KLRD1: variants seen among roughly 807,000 people sequenced by gnomAD.
The protein encoded by KLRD1 is killer cell lectin like receptor D1, also known as natural killer cells antigen CD94.
A neutral mutation model predicts 22.6 loss-of-function variants in KLRD1; 21 were observed. That is an observed-to-expected ratio of 0.93 (90% confidence interval 0.66 to 1.34). The LOEUF (loss-of-function observed/expected upper bound fraction) is 1.34, where lower values mean the gene tolerates loss of function less well. Among genes scored for constraint, KLRD1 ranks in the 40% most tolerant of loss-of-function variants. The probability of loss-of-function intolerance (pLI) is 0.00; values close to 1 mark genes in which losing one functional copy is unlikely to be tolerated. For synonymous variants in KLRD1, 59 were observed against 71.1 expected (o/e 0.83, Z 0.85); for missense variants, 183 against 208.6 (o/e 0.88, Z 0.76).
At chr12:10,247,181 A>G (rs1949300979) in intron 1 of KLRD1, among the ~76,000 whole-genome samples, 1 of 151,698 alleles carries the variant, frequency 6.6e-6, no homozygotes, top group Admixed American at 6.6e-5. Context: ...GGGAATTTCT[A>G]TTTATATCAA....
intron 1 of KLRD1, among the ~76,000 whole-genome samples, chr12:10,276,985 C>T (rs1035142533): frequency 6.6e-6 from 1 of 152,052 alleles, no homozygotes; most frequent in African/African-American, 2.4e-5. Context: ...AGATGACTCA[C>T]CATTAAGTCT....
intron 1 of KLRD1, among the ~76,000 whole-genome samples, chr12:10,251,059 T>A (rs1046063648): frequency 6.6e-6 from 1 of 152,178 alleles, no homozygotes; most frequent in African/African-American, 2.4e-5. Context: ...TCACTAGCAT[T>A]AACTACAGAT....
rs1029036634 is a variant in KLRD1, at chr12:10,256,973, T to C, written c.-101+30740T>C. ...TTTTTAAGGATGGTTTTGCCAGATATTAAAATTTTGATTGACAGTTTTTTT... is the reference window on the plus strand; with the variant it reads ...TTTTTAAGGATGGTTTTGCCAGATACTAAAATTTTGATTGACAGTTTTTTT... On this transcript the variant is annotated intron_variant, in intron 1 of 5. Coordinates refer to the KLRD1 transcript ENST00000544747. Among the ~76,000 whole-genome samples, 76 of 151,236 alleles carry C rather than the reference T, an allele frequency of 5.0e-4. 1 individual carries two copies. The highest frequency in any genetic ancestry group is 1.7e-3 in the African/African-American group (72 of 41,320).
At chr12:10,293,182 A>ATATATATATATATATATATATATATATAT (rs1290502685) in intron 1 of KLRD1, among the ~76,000 whole-genome samples, 2 of 135,826 alleles carry the variant, frequency 1.5e-5, no homozygotes, top group African/African-American at 2.6e-5. Flanking sequence ...ATATACACAT[A>ATATATATATATATATATATATATATATAT]ATTCGCATGC....
intron 1 of KLRD1, among the ~76,000 whole-genome samples, chr12:10,288,067 C>CAA (rs35335784): frequency 1.6e-4 from 15 of 92,960 alleles, no homozygotes; most frequent in Middle Eastern, 6.9e-3. Flanking sequence ...GACTCTGTCT[C>CAA]AAAAAAAAAA....
chr12:10,269,148 C>T (rs1256655185), intron 1 of KLRD1, among the ~76,000 whole-genome samples: 2 of 151,602 alleles, frequency 1.3e-5, no homozygotes, highest in Non-Finnish European at 2.9e-5. Context: ...TGAGTTCTTT[C>T]TTTCCTTTTT....
rs747241701 is a variant in KLRD1 at position 10,286,662 on chromosome 12, C to CTTTTTT, written c.-100-21294_-100-21289dup. 2.8e-3 allele frequency among the ~76,000 whole-genome samples: 155 copies of CTTTTTT among 54,802 alleles called. 39 individuals are homozygous for CTTTTTT. The highest frequency in any genetic ancestry group is 0.011 in the African/African-American group (148 of 12,938). The allele number at this position is 54,802 out of a possible 152,430, so 36.0% of individuals were successfully genotyped here. ...TCATCATTTTATTTCGCTTATGGTG[C>CTTTTTT]TTTTTTTTTTTTTTTTTTTTTTTTT... On this transcript the variant is annotated intron_variant, in intron 1 of 5. Coordinates refer to the KLRD1 transcript ENST00000544747.
At chr12:10,301,498 AG>A (rs1301048863), upstream of KLRD1, among the ~76,000 whole-genome samples, 1 of 152,180 alleles carries the variant, frequency 6.6e-6, no homozygotes, top group African/African-American at 2.4e-5. Flanking sequence ...ATTCTTGCCC[AG>A]AACAGCTTCA....
intron 1 of KLRD1, among the ~76,000 whole-genome samples, chr12:10,244,637 G>C (rs374424348): frequency 5.3e-5 from 8 of 151,922 alleles, no homozygotes; most frequent in East Asian, 3.9e-4. Context: ...CAAAAAATTA[G>C]CCTGGCATGG....
rs748309957 is a variant in KLRD1 at position 10,324,566 on chromosome 12, ATTT to A, written c.*9778_*9780del. ...TATCCATGTTCCTGCAAAGGACATG[ATTT>A]TTTTCTTTTTTATGTCTGCATAGTA... On this transcript the variant is annotated 3_prime_UTR_variant, in exon 6 of 6. Transcript: ENST00000336164. 2 of 151,432 alleles carry A rather than the reference ATTT, an allele frequency of 1.3e-5. No individual in the cohort carries two copies. Among genetic ancestry groups the A allele is most frequent in the East Asian group, 3.9e-4 (2 of 5,160 alleles). The allele number at this position is 151,432 out of a possible 1,614,324, so 9.4% of individuals were successfully genotyped here.
intron 1 of KLRD1, among the ~76,000 whole-genome samples, chr12:10,248,566 CT>C (rs1367193450): frequency 7.3e-6 from 1 of 137,234 alleles, no homozygotes; most frequent in Non-Finnish European, 1.6e-5. Flanking sequence ...TCCTTCCTTC[CT>C]TCCTTCCTTC....
At chr12:10,270,841 T>C (rs923072086) in intron 1 of KLRD1, among the ~76,000 whole-genome samples, 1 of 151,326 alleles carries the variant, frequency 6.6e-6, no homozygotes, top group Non-Finnish European at 1.5e-5. Context: ...TGGAGTGCAG[T>C]GGCGTGATCT....
intron 1 of KLRD1, among the ~76,000 whole-genome samples, chr12:10,241,770 G>T (rs1452626248): frequency 2.0e-5 from 3 of 152,060 alleles, no homozygotes; most frequent in Non-Finnish European, 4.4e-5. Flanking sequence ...TTATATATGT[G>T]TATGTATATA....
intron 1 of KLRD1, among the ~76,000 whole-genome samples, chr12:10,298,893 G>T (rs1002682083): frequency 3.3e-5 from 5 of 152,196 alleles, no homozygotes; most frequent in African/African-American, 1.2e-4. Context: ...TGAGACCCCA[G>T]ATTTCCCACT....
chr12:10,280,662 C>T (rs1314229359), intron 1 of KLRD1, among the ~76,000 whole-genome samples: 1 of 152,150 alleles, frequency 6.6e-6, no homozygotes, highest in Non-Finnish European at 1.5e-5. Flanking sequence ...CTTCTCTTCT[C>T]CTACCAATGC....
chr12:10,254,754 G>A (rs1386053227), intron 1 of KLRD1, among the ~76,000 whole-genome samples: 3 of 151,936 alleles, frequency 2.0e-5, no homozygotes, highest in Non-Finnish European at 4.4e-5. Context: ...TTAGCCAAGC[G>A]TGGTGGCGCC....
chr12:10,256,406 A>C (rs6488277), intron 1 of KLRD1, among the ~76,000 whole-genome samples: 126,144 of 145,696 alleles, frequency 0.87, 56,434 homozygotes, highest in Non-Finnish European at 0.98. Context: ...TCCATTATTG[A>C]CTTTCTTTGT....
chr12:10,255,138 G>A (rs1016912198), intron 1 of KLRD1, among the ~76,000 whole-genome samples: 1 of 152,266 alleles, frequency 6.6e-6, no homozygotes, highest in Admixed American at 6.5e-5. Flanking sequence ...TTTATATACT[G>A]TTAGTGGGGG....
chr12:10,296,328 AAC>A (rs1296920150), intron 1 of KLRD1, among the ~76,000 whole-genome samples: 1 of 152,104 alleles, frequency 6.6e-6, no homozygotes, highest in African/African-American at 2.4e-5. Flanking sequence ...CATCCTGGCT[AAC>A]ACAGTGAAAC....
Sources: allele counts gnomAD v4.1 joint callset (sites outside exome capture counted in the v4.1 genomes callset), GRCh38; gene constraint gnomAD v4.1.1; transcripts MANE v1.5; gene names NCBI Gene and HGNC (gene_info 2026-07-23, HGNC 2026-07-21).